EIF2AK1: variants seen among roughly 807,000 people sequenced by gnomAD.
The protein encoded by EIF2AK1 is eukaryotic translation initiation factor 2-alpha kinase 1.
A neutral mutation model predicts 77.9 loss-of-function variants in EIF2AK1; 54 were observed. The observed-to-expected ratio is 0.69, with a 90% CI of 0.56 to 0.87. The LOEUF is 0.87. EIF2AK1 is among the 40% of genes least tolerant of loss of function. The pLI is 0.00. For synonymous variants in EIF2AK1, 314 were observed against 290.5 expected, an observed-to-expected ratio of 1.08 and a Z score of -0.82; for missense variants, 810 against 768.6, an observed-to-expected ratio of 1.05 and a Z score of -0.64.
rs925840644 is a variant in EIF2AK1 at position 6,023,045 on chromosome 7, G to C, written c.*1628C>G. 1 of 410,598 alleles carries C rather than the reference G, an allele frequency of 2.4e-6. No individual in the cohort carries two copies. Among genetic ancestry groups the C allele is most frequent in the Non-Finnish European group, 4.3e-6 (1 of 233,610 alleles). The allele number at this position is 410,598 out of a possible 1,614,324, so 25.4% of individuals were successfully genotyped here. On this transcript the variant is annotated 3_prime_UTR_variant, in exon 15 of 15. Coordinates refer to ENST00000199389, the MANE Select transcript of EIF2AK1 (RefSeq NM_014413.4). ...GCAGGGATTGGAGCAGGTGGTCTGA[G>C]GTCCCTTCTAGCTTCAGAAGTGTCA...
chr7:6,023,174 T>G lies in EIF2AK1; in HGVS notation c.*1499A>C, dbSNP rs1787557420. On this transcript the variant is annotated 3_prime_UTR_variant, in exon 15 of 15. Transcript: ENST00000199389. ...TTAGAGACAGACTGAAAATGTGATG[T>G]TCTTCTTGAAAACACCCTTTCCCAT... 2.7e-6 allele frequency: 3 copies of G among 1,105,068 alleles called. No homozygotes were observed. The highest frequency in any genetic ancestry group is 1.6e-5 in the African/African-American group (1 of 63,928). 68.5% of individuals were successfully genotyped at this position (1,105,068 alleles called of 1,614,324 possible).
intron 11 of EIF2AK1, among the ~76,000 whole-genome samples, chr7:6,031,928 C>A (rs540136152): frequency 6.6e-6 from 1 of 152,208 alleles, no homozygotes. Flanking sequence ...AATCCCAGCA[C>A]TTTGGAAGGC....
At chr7:6,055,683 A>C (rs1311108654) in intron 1 of EIF2AK1, among the ~76,000 whole-genome samples, 3 of 151,676 alleles carry the variant, frequency 2.0e-5, no homozygotes, top group African/African-American at 7.3e-5. Context: ...AGGTAAAAAA[A>C]AAAAAAAAAA....
rs560649372 is a variant in EIF2AK1 at position 6,035,884 on chromosome 7, G to T, written c.1332+1540C>A. 1.3e-6 allele frequency: 2 copies of T among 1,546,622 alleles called. No homozygotes were observed. Among genetic ancestry groups the T allele is most frequent in the Admixed American group, 2.0e-5 (1 of 50,756 alleles). On this transcript the variant is annotated intron_variant, in intron 11 of 14. Transcript: ENST00000199389. The surrounding 1 kb of genome is among the most constrained non-coding windows in gnomAD (Gnocchi z 5.5). ...TGCACTGCATCAAGCAAAGCAGGCC[G>T]ACTCCTCGGGGCGGGGGTCAGCTGC...
At chr7:6,053,262 G>A (rs1403014928) in intron 2 of EIF2AK1, among the ~76,000 whole-genome samples, 1 of 152,130 alleles carries the variant, frequency 6.6e-6, no homozygotes, top group Non-Finnish European at 1.5e-5. Context: ...TTTTGATACA[G>A]ACATGTGATG....
chr7:6,038,524 C>A, intron 10 of EIF2AK1, 36 bp downstream of exon 10: 1 of 1,553,834 alleles, frequency 6.4e-7, no homozygotes. Context: ...GTGACTGTGT[C>A]TATTTCCCGG....
intron 7 of EIF2AK1, 50 bp downstream of exon 7, chr7:6,044,512 G>A (rs1003485467): frequency 1.3e-6 from 2 of 1,501,942 alleles, no homozygotes; most frequent in Non-Finnish European, 1.8e-6. Flanking sequence ...TTGGTGCACG[G>A]GCTAAAGTTT....
At chr7:6,047,250 T>C (rs777309096) in intron 4 of EIF2AK1, 159 bp from the exon 5 acceptor site, 14 of 786,352 alleles carry the variant, frequency 1.8e-5, no homozygotes, top group African/African-American at 1.7e-4. Flanking sequence ...TTCATCCCTA[T>C]GAAGAAAACA....
At chr7:6,039,921 G>A (rs1413878433) in intron 9 of EIF2AK1, among the ~76,000 whole-genome samples, 2 of 151,904 alleles carry the variant, frequency 1.3e-5, no homozygotes, top group African/African-American at 4.8e-5. Flanking sequence ...TGGGTGACAA[G>A]AGCAAAACTT....
chr7:6,053,667 C>CT (rs34358095), intron 2 of EIF2AK1, among the ~76,000 whole-genome samples: 89,946 of 117,484 alleles, frequency 0.77, 34,572 homozygotes, highest in East Asian at 0.9. Flanking sequence ...CCAGCCCATT[C>CT]TTTTTTTTTT....
At chr7:6,043,424 C>G (rs1177313798) in intron 7 of EIF2AK1, among the ~76,000 whole-genome samples, 1 of 151,692 alleles carries the variant, frequency 6.6e-6, no homozygotes, top group African/African-American at 2.4e-5. Flanking sequence ...ATTTTTAAAA[C>G]AAAATTTAAT....
chr7:6,041,363 A>C, intron 8 of EIF2AK1, 144 bp from the exon 9 acceptor site: 1 of 825,038 alleles, frequency 1.2e-6, no homozygotes, highest in Non-Finnish European at 1.8e-6. Context: ...ACATGGTAAA[A>C]CCCCATCTCA....
chr7:6,056,122 G>A (rs1033623099), intron 1 of EIF2AK1, among the ~76,000 whole-genome samples: 1 of 150,202 alleles, frequency 6.7e-6, no homozygotes, highest in African/African-American at 2.5e-5. Flanking sequence ...GTGAAACACC[G>A]TCTCTACTAA....
Position 6,036,100 on chromosome 7 carries a change from A to G in EIF2AK1, c.1332+1324T>C, listed in dbSNP as rs754729368. ...TATATGTACCTTCAGCGCAGTTGCA[A>G]TGTAAGAGATACGGCACTTCTGGCC... On this transcript the variant is annotated intron_variant, in intron 11 of 14. Coordinates refer to ENST00000199389, the MANE Select transcript of EIF2AK1 (RefSeq NM_014413.4). The surrounding 1 kb of genome is among the most constrained non-coding windows in gnomAD (Gnocchi z 4.6). 8 of 1,550,932 alleles carry G rather than the reference A, an allele frequency of 5.2e-6. No individual in the cohort carries two copies. The South Asian group carries it at 5.9e-5, about 12-fold the overall frequency.
chr7:6,042,466 A>T (rs961986532), intron 8 of EIF2AK1, among the ~76,000 whole-genome samples: 2 of 151,406 alleles, frequency 1.3e-5, no homozygotes, highest in South Asian at 4.2e-4. Flanking sequence ...AAAAAAAAAA[A>T]TACCGACAGG....
rs1788057234 is a variant in EIF2AK1 at position 6,035,668 on chromosome 7, GCTATCC to G, written c.1332+1750_1332+1755del. Reference sequence around the variant, plus strand: ...CTCCACCTGGCCATAGCATATGGTTGCTATCCAGTTCTCTCCATTTTGACCCAAAAT... The same window carrying G: ...CTCCACCTGGCCATAGCATATGGTTGAGTTCTCTCCATTTTGACCCAAAAT... On this transcript the variant is annotated intron_variant, in intron 11 of 14. Coordinates refer to ENST00000199389, the MANE Select transcript of EIF2AK1 (RefSeq NM_014413.4). The surrounding 1 kb of genome is among the most constrained non-coding windows in gnomAD (Gnocchi z 5.5). 2 of 1,550,524 alleles carry G rather than the reference GCTATCC, an allele frequency of 1.3e-6. No homozygotes were observed. The highest frequency in any genetic ancestry group is 1.7e-6 in the Non-Finnish European group (2 of 1,147,062).
intron 10 of EIF2AK1, 38 bp downstream of exon 10, chr7:6,038,522 G>A (rs375253550): frequency 3.3e-6 from 5 of 1,533,270 alleles, no homozygotes; most frequent in South Asian, 1.2e-5. Context: ...GTGTGACTGT[G>A]TCTATTTCCC....
At chr7:6,037,358 C>T in intron 11 of EIF2AK1, 66 bp downstream of exon 11, 1 of 1,023,074 alleles carries the variant, frequency 9.8e-7, no homozygotes, top group Non-Finnish European at 1.5e-6. Context: ...GTTTAATCAA[C>T]CAACATCAAG....
intron 2 of EIF2AK1, 129 bp downstream of exon 2, chr7:6,054,417 C>T (rs931617488): frequency 2.3e-5 from 22 of 962,736 alleles, no homozygotes; most frequent in South Asian, 3.6e-5. Flanking sequence ...TTAGCCAAAC[C>T]GATCTCGATC....
Sources: gnomAD v4.1 joint callset for allele counts (sites outside exome capture counted in the v4.1 genomes callset) on GRCh38, gnomAD v4.1.1 for gene constraint, Gnocchi (gnomAD v3.1) non-coding constraint, MANE v1.5 for transcripts, NCBI Gene and HGNC (gene_info 2026-07-23, HGNC 2026-07-21) for gene names.